The following WNK1 variants were observed in gnomAD, a reference collection of about 807,000 sequenced individuals.
The protein encoded by WNK1 is serine/threonine-protein kinase WNK1.
A neutral mutation model predicts 222.8 loss-of-function variants in WNK1; 38 were observed. The observed-to-expected ratio is 0.17, with a 90% CI of 0.13 to 0.22. The LOEUF is 0.22. WNK1 is among the 10% of genes least tolerant of loss of function. The pLI is 1.00. For synonymous variants in WNK1, 1,090 were observed against 1,092.9 expected (o/e 1.00, Z 0.05); for missense variants, 2,348 against 2,918.4 (o/e 0.80, Z 4.50).
At chr12:879,471 T>TTTTTTTTGGC in intron 10 of WNK1, 102 bp from the exon 11 acceptor site, 2 of 749,698 alleles carry the variant, frequency 2.7e-6, no homozygotes, top group Non-Finnish European at 4.1e-6. Context: ...TGTTTTTTCC[T>TTTTTTTTGGC]TCTTTTTGGC....
chr12:762,045 G>C (rs11064519), intron 1 of WNK1, among the ~76,000 whole-genome samples: 84,213 of 141,838 alleles, frequency 0.59, 28,350 homozygotes, highest in East Asian at 0.87. Flanking sequence ...CTCCTGTATA[G>C]TTTATTTTTT....
intron 22 of WNK1, among the ~76,000 whole-genome samples, chr12:892,658 A>G (rs1954361798): frequency 6.6e-6 from 1 of 152,202 alleles, no homozygotes; most frequent in Non-Finnish European, 1.5e-5. Context: ...TAATACAAAG[A>G]GTTCCTAAAA....
At chr12:863,413 A>G (rs1951366435) in intron 8 of WNK1, among the ~76,000 whole-genome samples, 1 of 152,156 alleles carries the variant, frequency 6.6e-6, no homozygotes, top group African/African-American at 2.4e-5. Context: ...AAAATAATTG[A>G]GGGTAGAATA....
intron 1 of WNK1, among the ~76,000 whole-genome samples, chr12:798,773 TG>T (rs1343747274): frequency 6.6e-6 from 1 of 152,192 alleles, no homozygotes; most frequent in Non-Finnish European, 1.5e-5. Context: ...TAAAAAAATC[TG>T]GTTTTGTTTA....
intron 4 of WNK1, among the ~76,000 whole-genome samples, chr12:853,609 TTG>T (rs1205771615): frequency 2.0e-5 from 3 of 152,198 alleles, no homozygotes; most frequent in Admixed American, 2.0e-4. Flanking sequence ...ATGTCTTTTA[TTG>T]TTAAATGTTT....
chr12:908,896 T>A lies in WNK1; in HGVS notation c.*104T>A. ...ATATACTAACTACTAGTGCTGCATT[T>A]AACTGGTTATTTCTTGCCAGAGGGG... is the stretch of plus-strand genomic sequence containing the variant. On this transcript the variant is annotated 3_prime_UTR_variant, in exon 28 of 28. Coordinates refer to ENST00000315939, the MANE Select transcript of WNK1 (RefSeq NM_018979.4). 7.9e-7 allele frequency: 1 copy of A among 1,269,652 alleles called. No homozygotes were observed. Among genetic ancestry groups the A allele is most frequent in the Non-Finnish European group, 1.1e-6 (1 of 897,284 alleles). The allele number at this position is 1,269,652 out of a possible 1,614,324, so 78.6% of individuals were successfully genotyped here.
At chr12:798,348 C>T (rs772972033) in intron 1 of WNK1, among the ~76,000 whole-genome samples, 12 of 152,060 alleles carry the variant, frequency 7.9e-5, no homozygotes, top group African/African-American at 2.2e-4. Flanking sequence ...CCCTCCACCA[C>T]GCCCGGCTAA....
chr12:881,167 G>T (rs764232271), intron 12 of WNK1, among the ~76,000 whole-genome samples, 168 bp downstream of exon 12: 1 of 152,188 alleles, frequency 6.6e-6, no homozygotes, highest in Non-Finnish European at 1.5e-5. Context: ...CCAATGTGGG[G>T]TCCTTGTTTC....
At chr12:896,000 T>C in intron 23 of WNK1, 71 bp from the exon 24 acceptor site, 1 of 1,601,160 alleles carries the variant, frequency 6.2e-7, no homozygotes, top group Non-Finnish European at 8.5e-7. Flanking sequence ...TTTTTTTCCT[T>C]TTTTAAATTG....
chr12:806,272 G>A (rs1946359374), intron 1 of WNK1, among the ~76,000 whole-genome samples: 1 of 152,186 alleles, frequency 6.6e-6, no homozygotes, highest in South Asian at 2.1e-4. Flanking sequence ...AGCATGGCAT[G>A]TGAGAATAAC....
At chr12:850,138 G>A (rs1184764329) in intron 4 of WNK1, among the ~76,000 whole-genome samples, 5 of 152,104 alleles carry the variant, frequency 3.3e-5, no homozygotes, top group East Asian at 1.9e-4. Flanking sequence ...CTGAGGAATC[G>A]CCACACTGAC....
chr12:854,821 T>C (rs1390297351), intron 4 of WNK1, among the ~76,000 whole-genome samples: 2 of 152,182 alleles, frequency 1.3e-5, no homozygotes, highest in East Asian at 1.9e-4. Flanking sequence ...TCCAGAAATA[T>C]AAAATGACCC....
In WNK1 at chr12:804,986, A is replaced by C. The variant is rs1218660943; in HGVS notation, c.760-8656A>C. On this transcript the variant is annotated intron_variant, in intron 1 of 27. Coordinates refer to ENST00000315939, the MANE Select transcript of WNK1 (RefSeq NM_018979.4). Reference sequence around the variant, plus strand: ...ATAATTAATATTTTAATATTAAATAATATTCCTTTATATTTATATATTTTG... The same window carrying C: ...ATAATTAATATTTTAATATTAAATACTATTCCTTTATATTTATATATTTTG... 2.0e-5 allele frequency among the ~76,000 whole-genome samples: 3 copies of C among 148,638 alleles called. No homozygotes were observed. In the East Asian group the frequency reaches 5.8e-4, roughly 29 times the overall value.
intron 1 of WNK1, among the ~76,000 whole-genome samples, chr12:810,978 A>G (rs1303966358): frequency 1.3e-5 from 2 of 152,190 alleles, no homozygotes; most frequent in Admixed American, 1.3e-4. Flanking sequence ...CTTAATGTAG[A>G]TGGAAAGAAA....
At chr12:908,267 TACACACACACAGAC>T in intron 27 of WNK1, 194 bp from the exon 28 acceptor site, 1 of 746,742 alleles carries the variant, frequency 1.3e-6, no homozygotes, top group Non-Finnish European at 2.2e-6. Flanking sequence ...CATCCTCAAC[TACACACACACAGAC>T]ACACACGCAC....
intron 1 of WNK1, among the ~76,000 whole-genome samples, chr12:804,447 A>C (rs1946166302): frequency 8.8e-6 from 1 of 114,156 alleles, no homozygotes; most frequent in South Asian, 3.0e-4. Context: ...ATCTCAGCTC[A>C]CTGCAACCTA....
chr12:883,371 A>C, intron 15 of WNK1, 24 bp from the exon 16 acceptor site: 1 of 1,613,768 alleles, frequency 6.2e-7, no homozygotes. Context: ...CACTAATTAG[A>C]CTGACATCAC....
At chr12:848,729 C>T (rs755504160) in intron 4 of WNK1, among the ~76,000 whole-genome samples, 2 of 151,802 alleles carry the variant, frequency 1.3e-5, no homozygotes, top group Non-Finnish European at 2.9e-5. Context: ...TAGGGGAAAT[C>T]CAGAGAAAGG....
intron 15 of WNK1, 91 bp downstream of exon 15, chr12:883,150 T>C: frequency 1.8e-6 from 2 of 1,084,946 alleles, no homozygotes; most frequent in Non-Finnish European, 2.9e-6. Context: ...TTATAATCCA[T>C]GTTTTTTTAA....
Sources: allele counts gnomAD v4.1 joint callset (sites outside exome capture counted in the v4.1 genomes callset), GRCh38; gene constraint gnomAD v4.1.1; transcripts MANE v1.5; gene names NCBI Gene and HGNC (gene_info 2026-07-23, HGNC 2026-07-21).